DOT1L: variants seen among roughly 807,000 people sequenced by gnomAD.
The protein encoded by DOT1L is DOT1 like histone lysine methyltransferase, also known as histone-lysine N-methyltransferase, H3 lysine-79 specific.
Under a neutral mutation model 153.3 loss-of-function variants are expected in DOT1L, and 33 were observed. That is an observed-to-expected ratio of 0.22 (90% CI 0.16 to 0.29). The LOEUF is 0.29. Among genes scored for constraint, DOT1L ranks in the 10% least tolerant of loss-of-function variants. The pLI, the probability that DOT1L is intolerant of heterozygous loss-of-function variation, is 1.00. For synonymous variants in DOT1L, 1,135 were observed against 965.1 expected (o/e 1.18, Z -3.26); for missense variants, 1,847 against 2,119.9 (o/e 0.87, Z 2.53).
chr19:2,212,858 C>G (rs897544970), intron 16 of DOT1L: 1 of 152,310 alleles, frequency 6.6e-6, no homozygotes, highest in African/African-American at 2.4e-5. Context: ...CTCCGAGGAC[C>G]TGCTTTAGTG....
chr19:2,194,073 T>G (rs1452611641), intron 6 of DOT1L, among the ~76,000 whole-genome samples: 1 of 152,158 alleles, frequency 6.6e-6, no homozygotes, highest in Non-Finnish European at 1.5e-5. Flanking sequence ...CAGCTCTACC[T>G]CGTGGCACAG....
In DOT1L at chr19:2,230,188, G is replaced by A. The variant is rs1426467286; in HGVS notation, c.*396G>A. The A allele has an allele frequency of 8.5e-6, 4 of 467,966 alleles. No individual in the cohort carries two copies. Among genetic ancestry groups the A allele is most frequent in the Non-Finnish European group, 3.7e-6 (1 of 267,804 alleles). 29.0% of individuals were successfully genotyped at this position (467,966 alleles called of 1,614,324 possible). ...CTATCTCGTCCCCAGGCCCGCGCCT[G>A]CCTCCACCCGCTTGGTGCTGACTAG... On this transcript the variant is annotated 3_prime_UTR_variant, in exon 28 of 28. Transcript: ENST00000398665.
chr19:2,218,907 A>T (rs2024012260), intron 22 of DOT1L, among the ~76,000 whole-genome samples: 1 of 151,456 alleles, frequency 6.6e-6, no homozygotes, highest in Admixed American at 6.6e-5. Flanking sequence ...TCTGTTGCCC[A>T]GGCTGGAGGG....
intron 3 of DOT1L, among the ~76,000 whole-genome samples, chr19:2,188,482 C>CA (rs2022640847): frequency 1.3e-5 from 1 of 77,178 alleles, no homozygotes; most frequent in Non-Finnish European, 2.5e-5. Flanking sequence ...CAGCCGCCGC[C>CA]CCCCCCCCCC....
chr19:2,199,131 G>A (rs1484385676), intron 7 of DOT1L, among the ~76,000 whole-genome samples: 3 of 152,262 alleles, frequency 2.0e-5, no homozygotes, highest in African/African-American at 7.2e-5. Context: ...AGATGCTACC[G>A]TGTTGGACAG....
At chr19:2,186,383 G>A (rs539299413) in intron 3 of DOT1L, among the ~76,000 whole-genome samples, 3 of 152,344 alleles carry the variant, frequency 2.0e-5, no homozygotes, top group South Asian at 4.1e-4. Flanking sequence ...CCTGGGTCTC[G>A]GAGGAGGGTC....
At chr19:2,183,877 G>A (rs1271694175) in intron 2 of DOT1L, among the ~76,000 whole-genome samples, 10 of 152,040 alleles carry the variant, frequency 6.6e-5, no homozygotes, top group Non-Finnish European at 1.2e-4. Flanking sequence ...CGCCTGCCTC[G>A]GCCTCCCAAA....
At chr19:2,168,358 G>C (rs946034612) in intron 1 of DOT1L, among the ~76,000 whole-genome samples, 2 of 152,192 alleles carry the variant, frequency 1.3e-5, no homozygotes, top group Non-Finnish European at 2.9e-5. Flanking sequence ...GTTCAGCAGA[G>C]ATACTGTGCT....
At chr19:2,185,726 GACACTGCACTCCAGCCTGGGCA>G (rs1247653609) in intron 2 of DOT1L, 107 bp from the exon 3 acceptor site, 1 of 936,542 alleles carries the variant, frequency 1.1e-6, no homozygotes, top group Non-Finnish European at 1.7e-6. Context: ...CCAAGATCAC[GACACTGCACTCCAGCCTGGGCA>G]ACAGAGTGAG....
intron 22 of DOT1L, among the ~76,000 whole-genome samples, chr19:2,219,167 C>T (rs894236101): frequency 1.2e-4 from 19 of 152,192 alleles, no homozygotes; most frequent in Non-Finnish European, 2.2e-4. Context: ...CCACCGCACC[C>T]GGCCAATTTT....
Position 2,230,194 on chromosome 19 carries a change from A to T in DOT1L, c.*402A>T. The T allele has an allele frequency of 2.2e-6, 1 of 458,742 alleles. No individual in the cohort carries two copies. The highest frequency in any genetic ancestry group is 3.8e-6 in the Non-Finnish European group (1 of 262,158). The allele number at this position is 458,742 out of a possible 1,614,324, so 28.4% of individuals were successfully genotyped here. ...CGTCCCCAGGCCCGCGCCTGCCTCC[A>T]CCCGCTTGGTGCTGACTAGACGCTG... On this transcript the variant is annotated 3_prime_UTR_variant, in exon 28 of 28. Transcript: ENST00000398665.
chr19:2,188,480 G>GCCCCCCCCCCCCCCCCCCCCCCCCCCCCC, intron 3 of DOT1L, among the ~76,000 whole-genome samples: 1 of 66,998 alleles, frequency 1.5e-5, no homozygotes, highest in Non-Finnish European at 2.9e-5. Flanking sequence ...CCCAGCCGCC[G>GCCCCCCCCCCCCCCCCCCCCCCCCCCCCC]CCCCCCCCCC....
At chr19:2,205,673 C>T (rs554874004) in intron 9 of DOT1L, among the ~76,000 whole-genome samples, 19 of 152,164 alleles carry the variant, frequency 1.2e-4, no homozygotes, top group African/African-American at 4.6e-4. Context: ...TTTGCTCTTC[C>T]TGCCTCTCAA....
At chr19:2,192,142 C>A (rs1016234242) in intron 5 of DOT1L, among the ~76,000 whole-genome samples, 1 of 152,160 alleles carries the variant, frequency 6.6e-6, no homozygotes, top group African/African-American at 2.4e-5. Flanking sequence ...CACGTCTGCC[C>A]CCTTTCCACA....
At chr19:2,199,995 G>A (rs2023181351) in intron 8 of DOT1L, 56 bp downstream of exon 8, 1 of 1,597,660 alleles carries the variant, frequency 6.3e-7, no homozygotes, top group Non-Finnish European at 8.6e-7. Flanking sequence ...CAGGCGGGCG[G>A]TGGCCATGGC....
rs139709315 is a variant in DOT1L, at chr19:2,218,000, C to T, written c.2691+82C>T. 3.9e-4 allele frequency: 592 copies of T among 1,526,654 alleles called. 4 individuals carry two copies. In the East Asian group the frequency reaches 0.011, roughly 29 times the overall value. The allele number at this position is 1,526,654 out of a possible 1,614,324, so 94.6% of individuals were successfully genotyped here. A position where few individuals can be genotyped will look rare whatever the true frequency, so the allele number is the denominator to read the frequency against. On this transcript the variant is annotated intron_variant, in intron 22 of 27. Transcript: ENST00000398665. This position sits in a 1 kb window ranked among gnomAD's most constrained non-coding sequence, Gnocchi z 7.3. ...GGTGCTCGAGACCTGGCTCACTTTG[C>T]GAAGTCTCACGCTGTAAAATGTCGA...
In DOT1L at chr19:2,229,493, C is replaced by T. The variant is rs1377402937; in HGVS notation, c.4607-292C>T. The T allele has an allele frequency of 6.1e-6, 6 of 985,370 alleles. 1 individual carries two copies. The highest frequency in any genetic ancestry group is 6.1e-5 in the Admixed American group (1 of 16,272). 61.0% of individuals were successfully genotyped at this position (985,370 alleles called of 1,614,324 possible). On this transcript the variant is annotated intron_variant, in intron 27 of 27. Coordinates refer to ENST00000398665, the MANE Select transcript of DOT1L (RefSeq NM_032482.3). ...GGGCTGGACAAGCTATGCTGGGTCT[C>T]TTAGGAGATGAGCTGCAGGTAGGGT...
chr19:2,180,821 C>T, intron 2 of DOT1L, 65 bp downstream of exon 2: 1 of 1,589,820 alleles, frequency 6.3e-7, no homozygotes, highest in Non-Finnish European at 8.6e-7. Flanking sequence ...ACACCCGTGC[C>T]CTGCAGATTC....
At chr19:2,170,415 AGGT>A (rs2144655489) in intron 1 of DOT1L, among the ~76,000 whole-genome samples, 1 of 152,240 alleles carries the variant, frequency 6.6e-6, no homozygotes, top group South Asian at 2.1e-4. Context: ...CAGCAGTGTG[AGGT>A]GTAGGAAGGA....
Sources: allele counts gnomAD v4.1 joint callset (sites outside exome capture counted in the v4.1 genomes callset), GRCh38; gene constraint gnomAD v4.1.1; non-coding constraint Gnocchi (gnomAD v3.1); transcripts MANE v1.5; gene names NCBI Gene and HGNC (gene_info 2026-07-23, HGNC 2026-07-21).